Variants in ABCA13 observed in about 807,000 individuals in gnomAD.
The protein encoded by ABCA13 is ATP binding cassette subfamily A member 13, also known as ATP-binding cassette sub-family A member 13.
Under a neutral mutation model 478.7 loss-of-function variants are expected in ABCA13, and 476 were observed. The ratio of observed to expected loss-of-function variants is 0.99; its 90% CI spans 0.92 to 1.07. The LOEUF (loss-of-function observed/expected upper bound fraction) is 1.07. ABCA13 is among the 50% of genes least tolerant of loss of function. ABCA13 has a pLI of 0.00. For synonymous variants in ABCA13, 2,252 were observed against 2,158.9 expected (o/e 1.04, Z -1.20); for missense variants, 6,060 against 5,910.6 (o/e 1.03, Z -0.83).
Position 48,620,244 on chromosome 7 carries a change from A to G in ABCA13, c.14837+4867A>G, listed in dbSNP as rs537045692. Among the ~76,000 whole-genome samples, 3 of 79,642 alleles carry G rather than the reference A, an allele frequency of 3.8e-5. No individual in the cohort carries two copies. In the East Asian group the frequency reaches 9.5e-4, roughly 25 times the overall value. The allele number at this position is 79,642 out of a possible 152,430, so 52.2% of individuals were successfully genotyped here. A position where few individuals can be genotyped will look rare whatever the true frequency, so the allele number is the denominator to read the frequency against. The stretch of plus-strand genomic sequence containing the variant: ...TAATTCTGGATTGTATTTAGTAACA[A>G]AAAATCACTACAGAATTGGAATTTG... On this transcript the variant is annotated intron_variant, in intron 59 of 61. Transcript: ENST00000435803.
At chr7:48,299,175 G>A (rs774352111) in intron 23 of ABCA13, among the ~76,000 whole-genome samples, 1 of 152,188 alleles carries the variant, frequency 6.6e-6, no homozygotes, top group Non-Finnish European at 1.5e-5. Flanking sequence ...AGCACTTCTA[G>A]TTGGGGTTTT....
intron 1 of ABCA13, among the ~76,000 whole-genome samples, chr7:48,176,529 A>G (rs1794904501): frequency 6.6e-6 from 1 of 152,190 alleles, no homozygotes; most frequent in African/African-American, 2.4e-5. Context: ...GGCCACAGTG[A>G]TAAAATGCAT....
chr7:48,600,198 A>G (rs1336731951), intron 58 of ABCA13, among the ~76,000 whole-genome samples: 1 of 152,082 alleles, frequency 6.6e-6, no homozygotes, highest in Non-Finnish European at 1.5e-5. Flanking sequence ...AGTATGTTTT[A>G]TCTTAAATCC....
At chr7:48,340,258 C>T (rs1584923467) in intron 29 of ABCA13, among the ~76,000 whole-genome samples, 2 of 152,120 alleles carry the variant, frequency 1.3e-5, no homozygotes, top group East Asian at 1.9e-4. Context: ...AGGTGCGCAC[C>T]GCCATGCCCG....
chr7:48,368,582 T>A (rs1379579255), intron 32 of ABCA13, among the ~76,000 whole-genome samples: 1 of 151,546 alleles, frequency 6.6e-6, no homozygotes, highest in African/African-American at 2.4e-5. Context: ...CCTGAGTTAC[T>A]TCGCTTAGAA....
intron 31 of ABCA13, among the ~76,000 whole-genome samples, chr7:48,363,417 A>G (rs908457660): frequency 2.0e-5 from 3 of 152,110 alleles, no homozygotes; most frequent in Admixed American, 6.6e-5. Flanking sequence ...AGTATGTTTC[A>G]TTGTTGAACA....
intron 34 of ABCA13, among the ~76,000 whole-genome samples, chr7:48,374,772 AC>A (rs1242164237): frequency 1.3e-5 from 2 of 152,090 alleles, no homozygotes; most frequent in Non-Finnish European, 2.9e-5. Flanking sequence ...GGGGTCCCCA[AC>A]CCCTGGGCCA....
At position 48,271,775 on chromosome 7, in the gene ABCA13, T is replaced by C; in HGVS notation, c.2121-12T>C. The C allele has an allele frequency of 1.5e-6, 2 of 1,333,132 alleles. No individual in the cohort carries two copies. The highest frequency in any genetic ancestry group is 1.9e-6 in the Non-Finnish European group (2 of 1,025,808). The allele number at this position is 1,333,132 out of a possible 1,614,324, so 82.6% of individuals were successfully genotyped here. A position where few individuals can be genotyped will look rare whatever the true frequency, so the allele number is the denominator to read the frequency against. The stretch of plus-strand genomic sequence containing the variant: ...TTTATTTTATACTAAAATAATTCTA[T>C]TAATATTACAGGGCTTTAAATTTCA... On this transcript the variant is annotated splice_polypyrimidine_tract_variant and intron_variant, in intron 16 of 61. Coordinates refer to ENST00000435803, the MANE Select transcript of ABCA13 (RefSeq NM_152701.5).
intron 15 of ABCA13, among the ~76,000 whole-genome samples, chr7:48,268,523 A>G (rs1486777592): frequency 6.6e-6 from 1 of 152,066 alleles, no homozygotes; most frequent in East Asian, 1.9e-4. Flanking sequence ...GCCTGTGTTG[A>G]TTATTACTCA....
At chr7:48,440,936 A>G (rs12669327) in intron 42 of ABCA13, among the ~76,000 whole-genome samples, 45,189 of 151,950 alleles carry the variant, frequency 0.3, 6,796 homozygotes, top group East Asian at 0.38. Context: ...TTGCCATTAT[A>G]AAATATGACA....
At chr7:48,579,970 A>C (rs887063820) in intron 55 of ABCA13, among the ~76,000 whole-genome samples, 8 of 152,154 alleles carry the variant, frequency 5.3e-5, no homozygotes, top group Admixed American at 2.6e-4. Flanking sequence ...AGTTAAGGAG[A>C]GATAAAGAGC....
chr7:48,221,332 G>T, intron 5 of ABCA13, 23 bp downstream of exon 5: 2 of 1,094,704 alleles, frequency 1.8e-6, no homozygotes, highest in Admixed American at 2.7e-5. Context: ...ACAATAGTTT[G>T]AAAATTAGTC....
intron 28 of ABCA13, among the ~76,000 whole-genome samples, chr7:48,337,562 A>G (rs1045308182): frequency 1.3e-5 from 2 of 152,212 alleles, no homozygotes; most frequent in African/African-American, 4.8e-5. Flanking sequence ...CTCTTGTGCT[A>G]TTAGGTTATG....
intron 3 of ABCA13, among the ~76,000 whole-genome samples, chr7:48,203,265 G>C (rs1799105557): frequency 6.6e-6 from 1 of 152,120 alleles, no homozygotes; most frequent in South Asian, 2.1e-4. Flanking sequence ...CGCAAGCGCC[G>C]CACGCAGCCC....
intron 47 of ABCA13, among the ~76,000 whole-genome samples, chr7:48,483,663 G>A (rs1226104597): frequency 3.3e-5 from 5 of 152,196 alleles, no homozygotes; most frequent in Non-Finnish European, 7.3e-5. Flanking sequence ...AAAGAGACTA[G>A]GTGGGAGATT....
In ABCA13 at chr7:48,249,239, ATT is replaced by A; in HGVS notation, c.1897_1898del (p.Phe633ProfsTer39). 1 of 1,612,242 alleles carries A rather than the reference ATT, an allele frequency of 6.2e-7. No homozygotes were observed. On this transcript the variant is annotated frameshift_variant, in exon 15 of 62. Coordinates refer to ENST00000435803, the MANE Select transcript of ABCA13 (RefSeq NM_152701.5). LOFTEE classifies it high-confidence loss of function. ...TATTTCATACACTTGAAAAAACACA[ATT>A]TTTCCTGGAACAAGCATATTATTGG... is the stretch of plus-strand genomic sequence containing the variant. ...VIFHTLEKTQ[F>X]FLEQAYYWKA...
chr7:48,476,220 T>C (rs1412251882), intron 45 of ABCA13, among the ~76,000 whole-genome samples: 2 of 152,166 alleles, frequency 1.3e-5, no homozygotes, highest in Non-Finnish European at 2.9e-5. Flanking sequence ...TTCCTTGGCC[T>C]CTGGTGACAT....
intron 39 of ABCA13, 27 bp from the exon 40 acceptor site, chr7:48,410,493 G>T: frequency 6.2e-7 from 1 of 1,613,842 alleles, no homozygotes; most frequent in Non-Finnish European, 8.5e-7. Flanking sequence ...TCCTCCTGGT[G>T]CTGATGCACC....
intron 15 of ABCA13, among the ~76,000 whole-genome samples, chr7:48,257,513 G>C (rs1584474503): frequency 6.6e-6 from 1 of 152,126 alleles, no homozygotes; most frequent in Non-Finnish European, 1.5e-5. Flanking sequence ...TAAAATGAAG[G>C]GATGTTGAAT....
Sources: gnomAD v4.1 joint callset for allele counts (sites outside exome capture counted in the v4.1 genomes callset) on GRCh38, gnomAD v4.1.1 for gene constraint, MANE v1.5 for transcripts, NCBI Gene and HGNC (gene_info 2026-07-23, HGNC 2026-07-21) for gene names.